Variants in DNAH17 observed in about 807,000 individuals in gnomAD.
The protein encoded by DNAH17 is dynein axonemal heavy chain 17.
Under a neutral mutation model 485.6 loss-of-function variants are expected in DNAH17, and 376 were observed. That is an observed-to-expected ratio of 0.77 (90% confidence interval 0.71 to 0.84). The LOEUF (loss-of-function observed/expected upper bound fraction) is 0.84. Among genes scored for constraint, DNAH17 ranks in the 40% least tolerant of loss-of-function variants. The pLI, the probability that DNAH17 is intolerant of heterozygous loss-of-function variation, is 0.00. For missense variants in DNAH17, 6,370 were observed against 5,839.3 expected, an observed-to-expected ratio of 1.09 and a Z score of -2.96; for synonymous variants, 3,031 against 2,405.9, an observed-to-expected ratio of 1.26 and a Z score of -7.60.
chr17:78,458,145 G>T (rs2087901226), intron 62 of DNAH17, among the ~76,000 whole-genome samples: 2 of 152,224 alleles, frequency 1.3e-5, no homozygotes, highest in Non-Finnish European at 2.9e-5. Flanking sequence ...AAAAGTTAAG[G>T]TGACACATCC....
intron 17 of DNAH17, among the ~76,000 whole-genome samples, chr17:78,541,924 G>T (rs530003875): frequency 6.6e-6 from 1 of 152,164 alleles, no homozygotes; most frequent in East Asian, 1.9e-4. Context: ...GGAGGGATGG[G>T]AACTGGGAAT....
chr17:78,530,371 GCTTGA>G lies in DNAH17; in HGVS notation c.3251_3255del (p.Phe1084SerfsTer13). ...TTGGTGACGTGGTTGCTCAGGTGCCGCTTGAACATGAAGCCCCAGCGCCGGATTGT... is the reference window on the plus strand; with the variant it reads ...TTGGTGACGTGGTTGCTCAGGTGCCGACATGAAGCCCCAGCGCCGGATTGT... On this transcript the variant is annotated frameshift_variant, in exon 21 of 81. Transcript: ENST00000389840. LOFTEE classifies it high-confidence loss of function. 1 of 1,611,882 alleles carries G rather than the reference GCTTGA, an allele frequency of 6.2e-7. No individual in the cohort carries two copies. Among genetic ancestry groups the G allele is most frequent in the Admixed American group, 1.7e-5 (1 of 59,976 alleles).
chr17:78,537,460 C>T lies in DNAH17; in HGVS notation c.2698G>A (p.Glu900Lys). 1 of 1,613,406 alleles carries T rather than the reference C, an allele frequency of 6.2e-7. No individual in the cohort carries two copies. The highest frequency in any genetic ancestry group is 8.5e-7 in the Non-Finnish European group (1 of 1,179,856). The change falls in exon 19 of 81, where the codon GAG becomes AAG. Residue 900 changes from glutamate (E) to lysine (K), a missense_variant. By Grantham distance (56) the Glu-to-Lys change is moderately conservative. Coordinates refer to ENST00000389840, the MANE Select transcript of DNAH17 (RefSeq NM_173628.4). ...TCCTCGTCCAGCTCCATGCGGATCT[C>T]AAACAGGGGAGCGATACTCTCCTGA... is the stretch of plus-strand genomic sequence containing the variant. ...VIDESIAPLF[E>K]IRMELDEDGL...
At chr17:78,444,920 A>G in intron 70 of DNAH17, 123 bp from the exon 71 acceptor site, 1 of 1,017,396 alleles carries the variant, frequency 9.8e-7, no homozygotes, top group Non-Finnish European at 1.4e-6. Flanking sequence ...GCTCTGGGAT[A>G]AGGAAGCCCG....
At chr17:78,570,905 C>G in intron 6 of DNAH17, 43 bp downstream of exon 6, 1 of 842,986 alleles carries the variant, frequency 1.2e-6, no homozygotes. Flanking sequence ...AGAAAAGAAA[C>G]AAGACCCTCC....
Position 78,437,813 on chromosome 17 carries a change from T to C in DNAH17, c.11861A>G (p.Tyr3954Cys). ...GTAGTCCTCATGGCTGCCCGTGCTG[T>C]AGTGCTCCAGCTTCTTGTCCAGTGT... ...LGTLDKKLEH[Y>C]STGSHEDYRV... Residue 3954 changes from tyrosine (Y) to cysteine (C), a missense_variant, in exon 74 of 81, where the codon TAC becomes TGC. Tyr to Cys is a radical substitution (Grantham distance 194, BLOSUM62 -2). Coordinates refer to ENST00000389840, the MANE Select transcript of DNAH17 (RefSeq NM_173628.4). The C allele has an allele frequency of 1.2e-6, 2 of 1,612,416 alleles. No individual in the cohort carries two copies. Among genetic ancestry groups the C allele is most frequent in the Non-Finnish European group, 1.7e-6 (2 of 1,179,688 alleles).
Position 78,516,402 on chromosome 17 carries a change from T to C in DNAH17, c.3865-1380A>G, listed in dbSNP as rs536725210. 6.6e-5 allele frequency among the ~76,000 whole-genome samples: 10 copies of C among 152,280 alleles called. No homozygotes were observed. The South Asian group carries it at 1.9e-3, about 28-fold the overall frequency. On this transcript the variant is annotated intron_variant, in intron 25 of 80. Coordinates refer to ENST00000389840, the MANE Select transcript of DNAH17 (RefSeq NM_173628.4). ...TAATGCCACTCATGTAAAAGAAACTTGAGGCCGGGTGCGGCGGCTCACGCC... is the reference window on the plus strand; with the variant it reads ...TAATGCCACTCATGTAAAAGAAACTCGAGGCCGGGTGCGGCGGCTCACGCC...
intron 21 of DNAH17, 121 bp from the exon 22 acceptor site, chr17:78,529,815 C>T (rs560863923): frequency 2.9e-6 from 3 of 1,024,144 alleles, no homozygotes; most frequent in South Asian, 1.6e-5. Flanking sequence ...CTGAAGGCCC[C>T]AGGTGGGGAG....
Position 78,431,535 on chromosome 17 carries a change from C to T in DNAH17, c.12226-2235G>A, listed in dbSNP as rs192432773. 5.3e-5 allele frequency among the ~76,000 whole-genome samples: 8 copies of T among 151,702 alleles called. No individual in the cohort carries two copies. In the East Asian group the frequency reaches 9.7e-4, roughly 18 times the overall value. On this transcript the variant is annotated intron_variant, in intron 75 of 80. Coordinates refer to ENST00000389840, the MANE Select transcript of DNAH17 (RefSeq NM_173628.4). The stretch of plus-strand genomic sequence containing the variant: ...CAGGTTGCTCTGTGTTTCAAAGCAA[C>T]GTTCCATCAGACTTTTGTGTTCCGT...
intron 60 of DNAH17, 22 bp from the exon 61 acceptor site, chr17:78,459,230 C>T (rs373117506): frequency 2.0e-5 from 32 of 1,610,524 alleles, no homozygotes; most frequent in South Asian, 8.8e-5. Context: ...ACCAGAGGGC[C>T]GGAGTCGTCA....
chr17:78,465,081 C>T (rs1174819994), intron 56 of DNAH17, among the ~76,000 whole-genome samples: 1 of 152,170 alleles, frequency 6.6e-6, no homozygotes, highest in Non-Finnish European at 1.5e-5. Context: ...CCTGCGATTG[C>T]AGGCTCGCGC....
chr17:78,446,031 G>A (rs187465990), intron 69 of DNAH17, among the ~76,000 whole-genome samples: 3 of 151,846 alleles, frequency 2.0e-5, no homozygotes, highest in Admixed American at 6.6e-5. Flanking sequence ...AAAATTAGCC[G>A]GGCGTGGTGG....
intron 64 of DNAH17, among the ~76,000 whole-genome samples, chr17:78,453,868 GTT>G (rs1243063520): frequency 6.6e-6 from 1 of 151,866 alleles, no homozygotes; most frequent in African/African-American, 2.4e-5. Flanking sequence ...TTTTTTGTTT[GTT>G]TGTTTTTTGT....
At chr17:78,453,274 T>C (rs961625057) in intron 65 of DNAH17, 69 bp downstream of exon 65, 2 of 1,572,818 alleles carry the variant, frequency 1.3e-6, no homozygotes, top group Non-Finnish European at 1.7e-6. Flanking sequence ...TTTCTCTACA[T>C]GCACACGCCC....
At chr17:78,491,382 G>A in intron 43 of DNAH17, 61 bp downstream of exon 43, 11 of 1,579,390 alleles carry the variant, frequency 7.0e-6, no homozygotes, top group Non-Finnish European at 9.5e-6. Flanking sequence ...GCGCCTCCCT[G>A]TGAGCCCCCG....
At chr17:78,473,562 A>AG (rs2088870898) in intron 54 of DNAH17, among the ~76,000 whole-genome samples, 1 of 151,218 alleles carries the variant, frequency 6.6e-6, no homozygotes, top group African/African-American at 2.4e-5. Flanking sequence ...AAAAAAAAAA[A>AG]AAAGAAATGA....
chr17:78,489,765 C>T (rs2089767674), intron 44 of DNAH17, among the ~76,000 whole-genome samples: 1 of 150,238 alleles, frequency 6.7e-6, no homozygotes, highest in Non-Finnish European at 1.5e-5. Flanking sequence ...GCCCAGCTCC[C>T]CAGCATGGAA....
chr17:78,574,660 C>G (rs936490581), intron 2 of DNAH17, 53 bp downstream of exon 2: 1 of 1,495,782 alleles, frequency 6.7e-7, no homozygotes, highest in Admixed American at 1.9e-5. Flanking sequence ...CAAGGCCGCT[C>G]CCGAGAAGTC....
At position 78,485,754 on chromosome 17, in the gene DNAH17, A is replaced by T. The variant is rs763119714; in HGVS notation, c.7279T>A (p.Ser2427Thr). The change falls in exon 47 of 81, where the codon TCT (serine) becomes ACT (threonine). Residue 2427 changes from serine to threonine, a missense_variant. Ser to Thr is a moderately conservative substitution (Grantham distance 58). Coordinates refer to ENST00000389840, the MANE Select transcript of DNAH17 (RefSeq NM_173628.4). ...ELDPDVPLQA[S>T]LVHTTETIRI... ...ATGGTTTCCGTGGTGTGGACCAAAG[A>T]GGCCTGGGGCAGGGGAGGGAAGGGG... is the stretch of plus-strand genomic sequence containing the variant. 1.1e-5 allele frequency: 17 copies of T among 1,610,092 alleles called. No individual in the cohort carries two copies. In the South Asian group the frequency reaches 1.9e-4, roughly 18 times the overall value.
Sources: allele counts gnomAD v4.1 joint callset (sites outside exome capture counted in the v4.1 genomes callset), GRCh38; gene constraint gnomAD v4.1.1; transcripts MANE v1.5; gene names NCBI Gene and HGNC (gene_info 2026-07-23, HGNC 2026-07-21).